TUNAR: variants seen among roughly 807,000 people sequenced by gnomAD.
TUNAR encodes the protein protein TUNAR.
intron 2 of TUNAR, among the ~76,000 whole-genome samples, chr14:95,916,537 G>T (rs562849409): frequency 3.3e-5 from 5 of 152,316 alleles, no homozygotes; most frequent in Admixed American, 3.3e-4. Context: ...GATGGCCATT[G>T]ATGCTGGGTC....
intron 2 of TUNAR, among the ~76,000 whole-genome samples, chr14:95,904,917 A>C (rs1889406989): frequency 6.6e-6 from 1 of 152,066 alleles, no homozygotes; most frequent in South Asian, 2.1e-4. Context: ...GTAACCAAAG[A>C]CTGTCCCAGA....
chr14:95,887,240 T>C (rs1040869946), intron 2 of TUNAR, among the ~76,000 whole-genome samples: 1 of 152,188 alleles, frequency 6.6e-6, no homozygotes, highest in African/African-American at 2.4e-5. Context: ...CTCCATCTCT[T>C]TCTTTCAACT....
chr14:95,892,461 G>C (rs751850592), intron 2 of TUNAR, among the ~76,000 whole-genome samples: 6 of 152,274 alleles, frequency 3.9e-5, no homozygotes, highest in Non-Finnish European at 8.8e-5. Context: ...TGGATGTGTC[G>C]CCTTCCTCAG....
intron 2 of TUNAR, among the ~76,000 whole-genome samples, chr14:95,913,951 T>G (rs1364103123): frequency 6.6e-6 from 1 of 152,240 alleles, no homozygotes; most frequent in East Asian, 1.9e-4. Context: ...CAGGATGATC[T>G]CGATCACTTG....
chr14:95,886,574 C>G (rs1207237410), intron 2 of TUNAR, among the ~76,000 whole-genome samples: 1 of 152,234 alleles, frequency 6.6e-6, no homozygotes, highest in Non-Finnish European at 1.5e-5. Flanking sequence ...GCACGGCATC[C>G]CGGGCAGTCA....
intron 2 of TUNAR, among the ~76,000 whole-genome samples, chr14:95,878,441 C>A (rs1439903317): frequency 3.9e-5 from 6 of 151,986 alleles, no homozygotes; most frequent in Non-Finnish European, 7.4e-5. Flanking sequence ...TCTACACGTA[C>A]ATTTGTGTTG....
At chr14:95,880,040 G>A (rs1888549998) in intron 2 of TUNAR, among the ~76,000 whole-genome samples, 1 of 152,116 alleles carries the variant, frequency 6.6e-6, no homozygotes, top group Admixed American at 6.6e-5. Context: ...GGAAACCTGG[G>A]GTTTATTCCC....
At chr14:95,879,546 A>C (rs1566783534) in intron 2 of TUNAR, among the ~76,000 whole-genome samples, 1 of 152,240 alleles carries the variant, frequency 6.6e-6, no homozygotes, top group Non-Finnish European at 1.5e-5. Context: ...CATACTACTC[A>C]TAGCCAAAGC....
At chr14:95,888,778 T>A (rs545101749) in intron 2 of TUNAR, among the ~76,000 whole-genome samples, 46 of 151,980 alleles carry the variant, frequency 3.0e-4, no homozygotes, top group African/African-American at 1.0e-3. Flanking sequence ...TAGAAGCAAG[T>A]CTCTAAGGCC....
chr14:95,918,250 T>C (rs1889637448), intron 2 of TUNAR, among the ~76,000 whole-genome samples: 2 of 152,246 alleles, frequency 1.3e-5, no homozygotes, highest in Admixed American at 1.3e-4. Context: ...ATCTATCCAC[T>C]GAGTTGCAAA....
chr14:95,918,136 T>C (rs2139672324), intron 2 of TUNAR, among the ~76,000 whole-genome samples: 1 of 152,366 alleles, frequency 6.6e-6, no homozygotes, highest in South Asian at 2.1e-4. Flanking sequence ...TTTTTGTGGC[T>C]ACATAGTGGG....
chr14:95,916,409 C>T (rs1595125979), intron 2 of TUNAR, among the ~76,000 whole-genome samples: 1 of 152,200 alleles, frequency 6.6e-6, no homozygotes. Context: ...CGCTTTTGCA[C>T]TCGATATTGT....
chr14:95,913,241 C>T (rs1889547145), intron 2 of TUNAR, among the ~76,000 whole-genome samples: 1 of 150,542 alleles, frequency 6.6e-6, no homozygotes, highest in Non-Finnish European at 1.5e-5. Flanking sequence ...TGGTTTGCTG[C>T]ACCCATCAAC....
chr14:95,922,550 T>A (rs1303891291), intron 2 of TUNAR, among the ~76,000 whole-genome samples: 1 of 152,174 alleles, frequency 6.6e-6, no homozygotes, highest in Non-Finnish European at 1.5e-5. Context: ...ACTTCTAGGC[T>A]CCTCTCTCTG....
chr14:95,896,729 A>G (rs1037627371), intron 2 of TUNAR, among the ~76,000 whole-genome samples: 3 of 152,228 alleles, frequency 2.0e-5, no homozygotes, highest in African/African-American at 7.2e-5. Flanking sequence ...AGGTGGAAAC[A>G]TTTATTTTCC....
chr14:95,898,635 T>G (rs746574948), intron 2 of TUNAR, among the ~76,000 whole-genome samples: 29 of 152,354 alleles, frequency 1.9e-4, no homozygotes, highest in Non-Finnish European at 2.2e-4. Flanking sequence ...TTTTTTTAAC[T>G]TTTAAAAAAC....
At chr14:95,877,767 C>T (rs945324285) in intron 2 of TUNAR, among the ~76,000 whole-genome samples, 16 of 152,220 alleles carry the variant, frequency 1.1e-4, no homozygotes, top group African/African-American at 3.4e-4. Flanking sequence ...ATACTTGCTC[C>T]AATGAGTATC....
chr14:95,896,582 G>A (rs918641510), intron 2 of TUNAR, among the ~76,000 whole-genome samples: 1 of 152,136 alleles, frequency 6.6e-6, no homozygotes, highest in African/African-American at 2.4e-5. Flanking sequence ...AGCCTCACTT[G>A]TTTTTCTTTT....
intron 2 of TUNAR, among the ~76,000 whole-genome samples, chr14:95,906,227 G>C (rs1328872506): frequency 1.3e-5 from 2 of 151,978 alleles, no homozygotes; most frequent in Non-Finnish European, 2.9e-5. Context: ...CCACTGAGCT[G>C]TCATTGCTTT....
Sources: allele counts gnomAD v4.1 joint callset (sites outside exome capture counted in the v4.1 genomes callset), GRCh38; gene constraint gnomAD v4.1.1; transcripts MANE v1.5; gene names NCBI Gene and HGNC (gene_info 2026-07-23, HGNC 2026-07-21).